Variants in MAP1B observed in about 807,000 individuals in gnomAD.
MAP1B encodes microtubule-associated protein 1B.
In MAP1B, 12 loss-of-function variants were observed where a neutral mutation model predicts 176.1. The ratio of observed to expected loss-of-function variants is 0.07; its 90% CI spans 0.04 to 0.11. The LOEUF (loss-of-function observed/expected upper bound fraction) is 0.11. Ranked by LOEUF, MAP1B falls within the 10% of genes least tolerant of loss-of-function variation. MAP1B has a pLI of 1.00. For synonymous variants in MAP1B, 1,044 were observed against 1,135.0 expected, an observed-to-expected ratio of 0.92 and a Z score of 1.61; for missense variants, 2,523 against 2,990.5, an observed-to-expected ratio of 0.84 and a Z score of 3.65.
chr5:72,195,081 A>C lies in MAP1B; in HGVS notation c.1726A>C (p.Lys576Gln). 6.2e-7 allele frequency: 1 copy of C among 1,614,116 alleles called. No homozygotes were observed. Among genetic ancestry groups the C allele is most frequent in the Non-Finnish European group, 8.5e-7 (1 of 1,180,008 alleles). Residue 576 changes from lysine (K) to glutamine (Q), a missense_variant, in exon 5 of 7, where the codon AAG becomes CAG. Physicochemically the swap from Lys to Gln is moderately conservative, Grantham distance 53. Coordinates refer to ENST00000296755, the MANE Select transcript of MAP1B (RefSeq NM_005909.5). ...PEVTKVNHVE[K>Q]PPKVESKEKV... is the part of the protein sequence containing the mutation. ...GGTCACAAAAGTGAATCACGTGGAA[A>C]AGCCACCCAAAGTTGAAAGCAAAGA...
chr5:72,174,901 CTCCCTCCTTCCTTCCCTCCT>C (rs1746619447), intron 2 of MAP1B, among the ~76,000 whole-genome samples: 1 of 146,440 alleles, frequency 6.8e-6, no homozygotes. Context: ...CCTTCCCTCC[CTCCCTCCTTCCTTCCCTCCT>C]TCCCCCTTTC....
chr5:72,138,664 A>G (rs1322195269), intron 2 of MAP1B, among the ~76,000 whole-genome samples: 1 of 152,248 alleles, frequency 6.6e-6, no homozygotes, highest in African/African-American at 2.4e-5. Context: ...TGATTAATCA[A>G]TAGAATTCAG....
At chr5:72,189,806 T>C (rs1394991289) in intron 4 of MAP1B, among the ~76,000 whole-genome samples, 1 of 152,188 alleles carries the variant, frequency 6.6e-6, no homozygotes, top group Admixed American at 6.5e-5. Context: ...TTTTAGTGCC[T>C]TGAAATCAGA....
At chr5:72,173,266 G>A (rs1181987204) in intron 2 of MAP1B, among the ~76,000 whole-genome samples, 1 of 152,150 alleles carries the variant, frequency 6.6e-6, no homozygotes, top group African/African-American at 2.4e-5. Flanking sequence ...TATGACTTAC[G>A]ATTCCTGATT....
intron 2 of MAP1B, among the ~76,000 whole-genome samples, chr5:72,173,413 A>G (rs1305928662): frequency 6.6e-6 from 1 of 152,226 alleles, no homozygotes; most frequent in African/African-American, 2.4e-5. Context: ...CCAGAAAACC[A>G]TGTCTTCTAT....
intron 1 of MAP1B, among the ~76,000 whole-genome samples, chr5:72,109,760 A>G (rs1406198478): frequency 1.3e-5 from 2 of 152,240 alleles, no homozygotes; most frequent in Admixed American, 6.5e-5. Flanking sequence ...CTAACATCCT[A>G]TGATGGGAGG....
intron 2 of MAP1B, among the ~76,000 whole-genome samples, chr5:72,136,069 C>A (rs114841729): frequency 6.6e-6 from 1 of 152,058 alleles, no homozygotes. Flanking sequence ...GTCCTGATGC[C>A]CTTGTGTGGA....
chr5:72,170,212 C>T (rs1746508973), intron 2 of MAP1B, among the ~76,000 whole-genome samples: 1 of 151,622 alleles, frequency 6.6e-6, no homozygotes. Context: ...ATGGAAAACT[C>T]AATGGCTAAT....
chr5:72,122,640 A>G (rs989821680), intron 2 of MAP1B, among the ~76,000 whole-genome samples: 1 of 131,998 alleles, frequency 7.6e-6, no homozygotes. Context: ...TATTCATCTC[A>G]CTTTTTTTTT....
At chr5:72,165,362 G>A (rs748207160) in intron 2 of MAP1B, among the ~76,000 whole-genome samples, 11 of 152,166 alleles carry the variant, frequency 7.2e-5, no homozygotes, top group Middle Eastern at 6.3e-3. Context: ...ATCAATGAAT[G>A]AATGAATAGA....
chr5:72,193,833 T>TTTTCTTTC (rs367932308), intron 4 of MAP1B, 33 bp from the exon 5 acceptor site: 4 of 1,536,016 alleles, frequency 2.6e-6, no homozygotes, highest in African/African-American at 1.4e-5. Context: ...CACTTACACC[T>TTTTCTTTC]TTTCTTTCTT....
Position 72,200,345 on chromosome 5 carries a change from G to C in MAP1B, c.6990G>C (p.Lys2330Asn), listed in dbSNP as rs1454814932. The C allele has an allele frequency of 6.2e-7, 1 of 1,613,616 alleles. No homozygotes were observed. Among genetic ancestry groups the C allele is most frequent in the Admixed American group, 1.7e-5 (1 of 60,012 alleles). ...ATGCTGCCAATGCCTCTGCATCCAA[G>C]TCGGCCAAGACCGCCACTGCAGGTA... is the stretch of plus-strand genomic sequence containing the variant. ...TKNAANASAS[K>N]SAKTATAGPG... Residue 2330 changes from lysine to asparagine, a missense_variant, in exon 5 of 7, where the codon AAG becomes AAC. Coordinates refer to ENST00000296755, the MANE Select transcript of MAP1B (RefSeq NM_005909.5).
intron 2 of MAP1B, among the ~76,000 whole-genome samples, chr5:72,141,018 C>G (rs745876667): frequency 5.9e-5 from 9 of 152,204 alleles, no homozygotes; most frequent in Non-Finnish European, 1.2e-4. Flanking sequence ...GGATACCCAC[C>G]AGCCTCCCAC....
At chr5:72,171,167 A>C (rs573120068) in intron 2 of MAP1B, among the ~76,000 whole-genome samples, 20 of 152,314 alleles carry the variant, frequency 1.3e-4, no homozygotes, top group Admixed American at 2.0e-4. Context: ...AGAGGAAAAC[A>C]TGAGCAAATA....
At chr5:72,160,641 C>T (rs950284137) in intron 2 of MAP1B, among the ~76,000 whole-genome samples, 1 of 152,146 alleles carries the variant, frequency 6.6e-6, no homozygotes, top group African/African-American at 2.4e-5. Context: ...GAGCTAGTTC[C>T]ATTCCTTGAG....
At chr5:72,117,240 T>G (rs1370483913) in intron 2 of MAP1B, among the ~76,000 whole-genome samples, 1 of 152,222 alleles carries the variant, frequency 6.6e-6, no homozygotes, top group Non-Finnish European at 1.5e-5. Flanking sequence ...GTTGTTATTT[T>G]ATTGTATTTT....
Position 72,203,977 on chromosome 5 carries a change from G to A in MAP1B, c.7251+176G>A, listed in dbSNP as rs573202919. ...ACAAAGTCAGTTTAACACACAGTAG[G>A]TAGTCTGAAATAATATTCTTGGCAC... On this transcript the variant is annotated intron_variant, in intron 6 of 6. Transcript: ENST00000296755. Among the ~76,000 whole-genome samples the A allele has an allele frequency of 1.6e-3, 249 of 152,280 alleles. 2 individuals carry two copies. Among genetic ancestry groups the A allele is most frequent in the Non-Finnish European group, 1.9e-3 (129 of 68,006 alleles).
At chr5:72,137,024 T>C (rs1324694032) in intron 2 of MAP1B, among the ~76,000 whole-genome samples, 1 of 152,202 alleles carries the variant, frequency 6.6e-6, no homozygotes, top group African/African-American at 2.4e-5. Context: ...TGAAGGCTTG[T>C]TTATGGCACA....
chr5:72,154,139 C>T (rs572439487), intron 2 of MAP1B, among the ~76,000 whole-genome samples: 8 of 152,166 alleles, frequency 5.3e-5, no homozygotes, highest in South Asian at 4.2e-4. Flanking sequence ...CTTTATGACT[C>T]GTCTCTTATT....
Sources: allele counts gnomAD v4.1 joint callset (sites outside exome capture counted in the v4.1 genomes callset), GRCh38; gene constraint gnomAD v4.1.1; transcripts MANE v1.5; gene names NCBI Gene and HGNC (gene_info 2026-07-23, HGNC 2026-07-21).